The following ZNF263 variants were observed in gnomAD, a reference collection of about 807,000 sequenced individuals.
ZNF263 encodes zinc finger protein FPM315.
In ZNF263, 49 loss-of-function variants were observed where a neutral mutation model predicts 63.1. The observed-to-expected ratio is 0.78, with a 90% CI of 0.62 to 0.99. The LOEUF (loss-of-function observed/expected upper bound fraction) is 0.99. Ranked by LOEUF, ZNF263 falls within the 50% of genes least tolerant of loss-of-function variation. ZNF263 has a pLI of 0.00. For missense variants in ZNF263, 872 were observed against 854.8 expected (o/e 1.02, Z -0.25); for synonymous variants, 352 against 324.2 (o/e 1.09, Z -0.92).
rs186225306 is a variant in ZNF263, at chr16:3,290,127, G to A, written c.1621G>A (p.Glu541Lys). The change falls in exon 6 of 6, where the codon GAG becomes AAG. Residue 541 changes from glutamate (E) to lysine (K), a missense_variant. Coordinates refer to ENST00000219069, the MANE Select transcript of ZNF263 (RefSeq NM_005741.5). ...SHLVIHERTH[E>K]RERLYPFSEC... ...CCTCGTCATTCACGAAAGAACTCAT[G>A]AGAGAGAGAGACTTTACCCCTTCTC... 6.2e-7 allele frequency: 1 copy of A among 1,613,716 alleles called. No individual in the cohort carries two copies. Among genetic ancestry groups the A allele is most frequent in the Admixed American group, 1.7e-5 (1 of 59,980 alleles).
At chr16:3,299,726 T>C (rs1452170723) in intron 2 of ZNF263, 1 of 1,535,008 alleles carries the variant, frequency 6.5e-7, no homozygotes, top group Non-Finnish European at 8.7e-7. Context: ...GCCGGGCAAC[T>C]GTCCAGAAGT....
Position 3,284,082 on chromosome 16 carries a change from G to T in ZNF263, c.264G>T (p.Gln88His). 2 of 1,613,602 alleles carry T rather than the reference G, an allele frequency of 1.2e-6. No individual in the cohort carries two copies. The highest frequency in any genetic ancestry group is 1.7e-6 in the Non-Finnish European group (2 of 1,179,716). ...TCTTGGAGCTGCTGGTGTTAGAGCA[G>T]TTCCTGACCATCCTGCCCCAGGAGA... is the stretch of plus-strand genomic sequence containing the variant. ...EQILELLVLE[Q>H]FLTILPQEIQ... Residue 88 changes from glutamine (Q) to histidine (H), a missense_variant, in exon 1 of 6, where the codon CAG becomes CAT. By Grantham distance (24) the Gln-to-His change is conservative. Transcript: ENST00000219069.
intron 4 of ZNF263, 81 bp downstream of exon 4, chr16:3,286,230 C>G (rs958134549): frequency 6.7e-7 from 1 of 1,497,292 alleles, no homozygotes; most frequent in Non-Finnish European, 8.8e-7. Flanking sequence ...CTCCTGGACA[C>G]AGACTCTGAG....
Position 3,289,790 on chromosome 16 carries a change from C to T in ZNF263, c.1284C>T (p.His428=), listed in dbSNP as rs765822647. 4.3e-5 allele frequency: 70 copies of T among 1,614,116 alleles called. No individual in the cohort carries two copies. Among genetic ancestry groups the T allele is most frequent in the Non-Finnish European group, 5.3e-5 (62 of 1,180,054 alleles). The change falls in exon 6 of 6, where the codon CAC becomes CAT. Residue 428 remains histidine (H), a synonymous_variant. Transcript: ENST00000219069. ...GTTTCCTGTCACTACACAGAGCACACCTGGGAGAGGAGGCCCACAAGTGCC... is the reference window on the plus strand; with the variant it reads ...GTTTCCTGTCACTACACAGAGCACATCTGGGAGAGGAGGCCCACAAGTGCC... ...NPRFLSLHRA[H]LGEEAHKCLE... is the part of the protein sequence containing the mutation.
rs578010778 is a variant in ZNF263, at chr16:3,288,712, C to G, written c.886+142C>G. ...CCAGGCTGGAGTGCAACAGTGCGAT[C>G]TCGGCTCACTGCAAGCTCCGCCTCC... On this transcript the variant is annotated intron_variant, in intron 5 of 5. Transcript: ENST00000219069. 26 of 541,036 alleles carry G rather than the reference C, an allele frequency of 4.8e-5. No homozygotes were observed. In the East Asian group the frequency reaches 7.2e-4, roughly 15 times the overall value. The allele number at this position is 541,036 out of a possible 1,614,324, so 33.5% of individuals were successfully genotyped here. A position where few individuals can be genotyped will look rare whatever the true frequency, so the allele number is the denominator to read the frequency against.
At chr16:3,294,484 A>G (rs1567255995), downstream of ZNF263, among the ~76,000 whole-genome samples, 1 of 152,066 alleles carries the variant, frequency 6.6e-6, no homozygotes, top group East Asian at 1.9e-4. Context: ...GCATTTATTT[A>G]TTTATTTATT....
Position 3,285,378 on chromosome 16 carries a change from A to G in ZNF263, c.568+139A>G, listed in dbSNP as rs990073812. The G allele has an allele frequency of 3.7e-6, 4 of 1,071,400 alleles. 1 individual carries two copies. Among genetic ancestry groups the G allele is most frequent in the Non-Finnish European group, 5.3e-6 (4 of 760,804 alleles). 66.4% of individuals were successfully genotyped at this position (1,071,400 alleles called of 1,614,324 possible). On this transcript the variant is annotated intron_variant, in intron 2 of 5. Transcript: ENST00000219069. Reference sequence around the variant, plus strand: ...CTCACCTGTGGAATGAAAGACCTGCAGTTGGTGGTGTGGGTTCTCCTGGGG... The same window carrying G: ...CTCACCTGTGGAATGAAAGACCTGCGGTTGGTGGTGTGGGTTCTCCTGGGG...
downstream of ZNF263, among the ~76,000 whole-genome samples, chr16:3,295,655 T>C (rs1168958212): frequency 1.3e-5 from 2 of 152,238 alleles, no homozygotes; most frequent in Admixed American, 1.3e-4. Flanking sequence ...ACGAAGTGTC[T>C]GAAGCCCGAG....
chr16:3,290,689 G>A lies in ZNF263; in HGVS notation c.*131G>A. On this transcript the variant is annotated 3_prime_UTR_variant, in exon 6 of 6. Coordinates refer to ENST00000219069, the MANE Select transcript of ZNF263 (RefSeq NM_005741.5). ...TTCAGGTAATGGGGGCTCATTGTGA[G>A]GGAGGTGCAGAGGCAGCAGAGGATT... 2.1e-6 allele frequency: 3 copies of A among 1,444,594 alleles called. No individual in the cohort carries two copies. The highest frequency in any genetic ancestry group is 2.9e-5 in the South Asian group (2 of 68,112). 89.5% of individuals were successfully genotyped at this position (1,444,594 alleles called of 1,614,324 possible). A position where few individuals can be genotyped will look rare whatever the true frequency, so the allele number is the denominator to read the frequency against.
In ZNF263 at chr16:3,299,567, T is replaced by A. The variant is rs1313461945; in HGVS notation, c.*46+411T>A. 1.3e-6 allele frequency: 2 copies of A among 1,534,408 alleles called. No homozygotes were observed. The highest frequency in any genetic ancestry group is 1.7e-6 in the Non-Finnish European group (2 of 1,146,140). ...TCACTTTCTTCAAATATTACAAGAC[T>A]CTCTTCAAGTTGCTTCCATCTATAC... is the stretch of plus-strand genomic sequence containing the variant. On this transcript the variant is annotated intron_variant, in intron 2 of 2. Transcript: ENST00000574674.
chr16:3,287,150 T>C (rs1234233789), intron 4 of ZNF263, among the ~76,000 whole-genome samples: 1 of 152,210 alleles, frequency 6.6e-6, no homozygotes, highest in African/African-American at 2.4e-5. Context: ...AACTGTACAT[T>C]TGTTGACACT....
In ZNF263 at chr16:3,299,451, T is replaced by C. The variant is rs758797937; in HGVS notation, c.*46+295T>C. 5.8e-6 allele frequency: 9 copies of C among 1,558,950 alleles called. No homozygotes were observed. In the Admixed American group the frequency reaches 1.9e-4, roughly 32 times the overall value. On this transcript the variant is annotated intron_variant, in intron 2 of 2. Coordinates refer to the ZNF263 transcript ENST00000574674. ...TTGCTATGGTTATTTGTTTTACTTCTTCCCAACTTTTTGCCCAGTTAAAAA... is the reference window on the plus strand; with the variant it reads ...TTGCTATGGTTATTTGTTTTACTTCCTCCCAACTTTTTGCCCAGTTAAAAA...
Position 3,283,512 on chromosome 16 carries a change from G to A in ZNF263, c.-307G>A. 1 of 261,142 alleles carries A rather than the reference G, an allele frequency of 3.8e-6. No homozygotes were observed. Among genetic ancestry groups the A allele is most frequent in the Non-Finnish European group, 7.1e-6 (1 of 141,086 alleles). 16.2% of individuals were successfully genotyped at this position (261,142 alleles called of 1,614,324 possible). A position where few individuals can be genotyped will look rare whatever the true frequency, so the allele number is the denominator to read the frequency against. ...GCCTAACTTGCGCGCTGAGATTTCC[G>A]GCGTGGGAGCAGAGGTCTGAGTCTT... On this transcript the variant is annotated 5_prime_UTR_variant, in exon 1 of 6. Transcript: ENST00000219069.
chr16:3,297,331 T>G (rs1442671237), intron 1 of ZNF263, among the ~76,000 whole-genome samples: 2 of 150,612 alleles, frequency 1.3e-5, no homozygotes, highest in Non-Finnish European at 1.5e-5. Context: ...TATTAGCCAG[T>G]AATGAAAATG....
intron 1 of ZNF263, 143 bp downstream of exon 1, chr16:3,284,348 ATCCTCCAGATTT>A: frequency 7.6e-7 from 1 of 1,323,046 alleles, no homozygotes; most frequent in Admixed American, 3.3e-5. Context: ...TGGAACACTC[ATCCTCCAGATTT>A]TCCCCCAAAT....
chr16:3,294,778 T>A (rs1234177947), downstream of ZNF263, among the ~76,000 whole-genome samples: 1 of 152,134 alleles, frequency 6.6e-6, no homozygotes, highest in East Asian at 1.9e-4. Flanking sequence ...ACCTTAAATG[T>A]CTCAAAAGAT....
downstream of ZNF263, among the ~76,000 whole-genome samples, chr16:3,296,170 T>C (rs1317689666): frequency 1.3e-5 from 2 of 152,234 alleles, no homozygotes; most frequent in Non-Finnish European, 2.9e-5. Context: ...TCTCATTCAT[T>C]TTCTTGGTTA....
intron 2 of ZNF263, chr16:3,299,644 G>C: frequency 6.4e-7 from 1 of 1,563,568 alleles, no homozygotes; most frequent in Non-Finnish European, 8.6e-7. Context: ...AATCAAGGTT[G>C]AAGTGTTATG....
At position 3,291,141 on chromosome 16, in the gene ZNF263, A is replaced by G. The variant is rs1156871483; in HGVS notation, c.*583A>G. 39 of 986,164 alleles carry G rather than the reference A, an allele frequency of 4.0e-5. No individual in the cohort carries two copies. The highest frequency in any genetic ancestry group is 6.1e-5 in the Admixed American group (1 of 16,404). 61.1% of individuals were successfully genotyped at this position (986,164 alleles called of 1,614,324 possible). A position where few individuals can be genotyped will look rare whatever the true frequency, so the allele number is the denominator to read the frequency against. ...TAACAGGAGTGCCCATTGGCAGATT[A>G]CACATGTAAATATGACCTCAGACAA... is the stretch of plus-strand genomic sequence containing the variant. On this transcript the variant is annotated 3_prime_UTR_variant, in exon 6 of 6. Coordinates refer to ENST00000219069, the MANE Select transcript of ZNF263 (RefSeq NM_005741.5).
Sources: allele counts gnomAD v4.1 joint callset (sites outside exome capture counted in the v4.1 genomes callset), GRCh38; gene constraint gnomAD v4.1.1; transcripts MANE v1.5; gene names NCBI Gene and HGNC (gene_info 2026-07-23, HGNC 2026-07-21).